Variants in TAFA1 observed in about 807,000 individuals in gnomAD.
The protein encoded by TAFA1 is chemokine-like protein TAFA-1.
In TAFA1, 4 loss-of-function variants were observed where a neutral mutation model predicts 18.5. The ratio of observed to expected loss-of-function variants is 0.22; its 90% CI spans 0.11 to 0.49. TAFA1 has a LOEUF of 0.49. Among genes scored for constraint, TAFA1 ranks in the 20% least tolerant of loss-of-function variants. TAFA1 has a pLI of 0.98. For synonymous variants in TAFA1, 56 were observed against 55.2 expected, an observed-to-expected ratio of 1.01 and a Z score of -0.06; for missense variants, 147 against 169.0, an observed-to-expected ratio of 0.87 and a Z score of 0.72.
chr3:68,242,864 T>A (rs933021000), intron 2 of TAFA1, among the ~76,000 whole-genome samples: 1 of 151,942 alleles, frequency 6.6e-6, no homozygotes, highest in Non-Finnish European at 1.5e-5. Context: ...ATAAACTACA[T>A]TTTTTTATCT....
chr3:68,288,165 AG>A (rs2068048132), intron 2 of TAFA1, among the ~76,000 whole-genome samples: 1 of 152,140 alleles, frequency 6.6e-6, no homozygotes, highest in Admixed American at 6.6e-5. Flanking sequence ...ATCCAGAATT[AG>A]CAGAAGTAGA....
At chr3:68,277,375 C>G (rs2067816692) in intron 2 of TAFA1, among the ~76,000 whole-genome samples, 1 of 152,102 alleles carries the variant, frequency 6.6e-6, no homozygotes, top group African/African-American at 2.4e-5. Context: ...TACTCAGGAT[C>G]CTTCTGGCTT....
At chr3:68,224,748 T>C (rs970975420) in intron 2 of TAFA1, among the ~76,000 whole-genome samples, 4 of 152,030 alleles carry the variant, frequency 2.6e-5, no homozygotes, top group Non-Finnish European at 4.4e-5. Context: ...AAACAACTTC[T>C]AAAATACTTT....
At chr3:68,531,012 AC>A in intron 3 of TAFA1, among the ~76,000 whole-genome samples, 1 of 137,016 alleles carries the variant, frequency 7.3e-6, no homozygotes, top group African/African-American at 2.8e-5. Flanking sequence ...ATGATTAACA[AC>A]AACAACAAAA....
At chr3:68,054,786 T>C (rs1184154007) in intron 2 of TAFA1, among the ~76,000 whole-genome samples, 1 of 152,218 alleles carries the variant, frequency 6.6e-6, no homozygotes, top group Non-Finnish European at 1.5e-5. Flanking sequence ...ATATTATTCA[T>C]TCATTTGTTT....
At chr3:68,477,936 T>A (rs919801144) in intron 3 of TAFA1, among the ~76,000 whole-genome samples, 52 of 152,318 alleles carry the variant, frequency 3.4e-4, no homozygotes, top group African/African-American at 1.3e-3. Context: ...GGATCATCAG[T>A]AACACAGAAA....
At chr3:68,382,114 T>C (rs1380478716) in intron 2 of TAFA1, among the ~76,000 whole-genome samples, 1 of 152,206 alleles carries the variant, frequency 6.6e-6, no homozygotes. Context: ...CAGCCTTGCA[T>C]CCCAGAGATG....
chr3:68,393,828 A>G (rs537542975), intron 2 of TAFA1, among the ~76,000 whole-genome samples: 1 of 152,336 alleles, frequency 6.6e-6, no homozygotes, highest in African/African-American at 2.4e-5. Context: ...TCATGCTAAA[A>G]ACACTCAATA....
intron 2 of TAFA1, among the ~76,000 whole-genome samples, chr3:68,384,164 A>G (rs1365288221): frequency 6.6e-6 from 1 of 151,748 alleles, no homozygotes; most frequent in Non-Finnish European, 1.5e-5. Flanking sequence ...ATGGCTTTTC[A>G]TGTGTCAGTC....
At chr3:68,037,036 G>C (rs151184941) in intron 2 of TAFA1, among the ~76,000 whole-genome samples, 2 of 152,138 alleles carry the variant, frequency 1.3e-5, no homozygotes, top group African/African-American at 4.8e-5. Flanking sequence ...GCTATGTCAC[G>C]ATAATTGCAG....
chr3:68,435,584 A>C lies in TAFA1; in HGVS notation c.259+18164A>C, dbSNP rs182409808. ...TAAACCCAAGAAATGTCAGAAAGGA[A>C]ACAGGTCCATTCTGATTTTTAGGTC... On this transcript the variant is annotated intron_variant, in intron 3 of 4. Transcript: ENST00000478136. Among the ~76,000 whole-genome samples, 12 of 152,306 alleles carry C rather than the reference A, an allele frequency of 7.9e-5. No homozygotes were observed. In the East Asian group the frequency reaches 2.3e-3, roughly 29 times the overall value.
chr3:68,273,581 G>T (rs913135079), intron 2 of TAFA1, among the ~76,000 whole-genome samples: 2 of 152,178 alleles, frequency 1.3e-5, no homozygotes, highest in East Asian at 3.9e-4. Flanking sequence ...CCTGAAGGCA[G>T]ATGGATGCCC....
intron 3 of TAFA1, among the ~76,000 whole-genome samples, chr3:68,418,498 C>G (rs1575849728): frequency 6.8e-6 from 1 of 146,402 alleles, no homozygotes; most frequent in African/African-American, 2.5e-5. Flanking sequence ...ATTTACACTT[C>G]TTTTGTGGTG....
intron 2 of TAFA1, among the ~76,000 whole-genome samples, chr3:68,405,567 G>A (rs1402901472): frequency 6.6e-6 from 1 of 151,350 alleles, no homozygotes; most frequent in East Asian, 1.9e-4. Flanking sequence ...AAGCATAGTG[G>A]CATGTTCTTG....
intron 3 of TAFA1, among the ~76,000 whole-genome samples, chr3:68,466,447 T>C (rs966593293): frequency 3.9e-5 from 6 of 152,266 alleles, no homozygotes; most frequent in Admixed American, 6.5e-5. Flanking sequence ...TTCTCTTAAA[T>C]TATAGCAATA....
intron 2 of TAFA1, among the ~76,000 whole-genome samples, chr3:68,298,047 T>G (rs975206677): frequency 6.6e-6 from 1 of 152,178 alleles, no homozygotes; most frequent in Non-Finnish European, 1.5e-5. Flanking sequence ...CAAAATTGTT[T>G]CCTTGCACTT....
At chr3:68,186,241 G>C (rs2066270632) in intron 2 of TAFA1, among the ~76,000 whole-genome samples, 1 of 152,016 alleles carries the variant, frequency 6.6e-6, no homozygotes, top group African/African-American at 2.4e-5. Flanking sequence ...TGAGGATTTT[G>C]AGTTTTGTTG....
chr3:68,412,472 A>C (rs1287874073), intron 2 of TAFA1, among the ~76,000 whole-genome samples: 1 of 151,928 alleles, frequency 6.6e-6, no homozygotes, highest in Non-Finnish European at 1.5e-5. Context: ...GGTGTGCTGC[A>C]CCTGTTAGCT....
the TAFA1 span, among the ~76,000 whole-genome samples, chr3:67,995,551 TAG>T: frequency 6.6e-6 from 1 of 152,150 alleles, no homozygotes; most frequent in Non-Finnish European, 1.5e-5. Flanking sequence ...TTGTAACTGT[TAG>T]ATTCTTCTCC....
Sources: gnomAD v4.1 joint callset for allele counts (sites outside exome capture counted in the v4.1 genomes callset) on GRCh38, gnomAD v4.1.1 for gene constraint, MANE v1.5 for transcripts, NCBI Gene and HGNC (gene_info 2026-07-23, HGNC 2026-07-21) for gene names.